Variants in GNA14 observed in about 807,000 individuals in gnomAD.
The protein encoded by GNA14 is G protein subunit alpha 14.
Under a neutral mutation model 42.0 loss-of-function variants are expected in GNA14, and 50 were observed. The ratio of observed to expected loss-of-function variants is 1.19; its 90% CI spans 0.95 to 1.51. The LOEUF (loss-of-function observed/expected upper bound fraction) is 1.51, where lower values mean the gene tolerates loss of function less well. GNA14 is among the 40% of genes most tolerant of loss of function. GNA14 has a pLI of 0.00. For missense variants in GNA14, 473 were observed against 446.2 expected, an observed-to-expected ratio of 1.06 and a Z score of -0.54; for synonymous variants, 173 against 163.1, an observed-to-expected ratio of 1.06 and a Z score of -0.46.
chr9:77,482,749 C>T (rs945825926), intron 2 of GNA14, among the ~76,000 whole-genome samples: 1 of 152,104 alleles, frequency 6.6e-6, no homozygotes, highest in Non-Finnish European at 1.5e-5. Context: ...AGGCTTTGTT[C>T]ATTTCTTTTT....
intron 1 of GNA14, among the ~76,000 whole-genome samples, chr9:77,535,486 C>G (rs746661620): frequency 3.3e-5 from 5 of 152,034 alleles, no homozygotes; most frequent in Admixed American, 2.0e-4. Flanking sequence ...AGAGGTTGCA[C>G]TGAGCTGAGC....
intron 1 of GNA14, among the ~76,000 whole-genome samples, chr9:77,596,926 C>T (rs1335658609): frequency 5.9e-5 from 9 of 152,176 alleles, no homozygotes; most frequent in South Asian, 4.1e-4. Context: ...CCTTTCCAGA[C>T]GGAACCAGTG....
chr9:77,549,903 A>G lies in GNA14; in HGVS notation c.125-20650T>C, dbSNP rs190930071. On this transcript the variant is annotated intron_variant, in intron 1 of 6. Transcript: ENST00000341700. ...TGGGACTCTATAATTTTCTCCACCC[A>G]AATGATCCCAAACCCACTTCTAGGG... Among the ~76,000 whole-genome samples, 78 of 152,198 alleles carry G rather than the reference A, an allele frequency of 5.1e-4. 1 individual carries two copies. In the Middle Eastern group the frequency reaches 0.02, roughly 40 times the overall value.
At chr9:77,576,548 G>A (rs1823130916) in intron 1 of GNA14, among the ~76,000 whole-genome samples, 1 of 152,076 alleles carries the variant, frequency 6.6e-6, no homozygotes, top group African/African-American at 2.4e-5. Context: ...CATTTGTGTA[G>A]CTTCATAAAA....
At chr9:77,431,949 A>C (rs1835562687) in intron 3 of GNA14, among the ~76,000 whole-genome samples, 1 of 152,226 alleles carries the variant, frequency 6.6e-6, no homozygotes, top group Admixed American at 6.5e-5. Flanking sequence ...GGAGAAATTC[A>C]AAACAACAGC....
chr9:77,431,406 G>C lies in GNA14; in HGVS notation c.508C>G (p.Pro170Ala). The change falls in exon 4 of 7, where the codon CCT becomes GCT. Residue 170 changes from proline (P) to alanine (A), a missense_variant. Physicochemically the swap from Pro to Ala is conservative, Grantham distance 27. Coordinates refer to ENST00000341700, the MANE Select transcript of GNA14 (RefSeq NM_004297.4). ...IDRIATPSFVPTQQDVLRVRV... is the reference protein window; with the variant it reads ...IDRIATPSFVATQQDVLRVRV... Reference sequence around the variant, plus strand: ...ACGCGAAGCACATCTTGTTGGGTAGGCACGAATGATGGTGTGGCGATGCGG... The same window carrying C: ...ACGCGAAGCACATCTTGTTGGGTAGCCACGAATGATGGTGTGGCGATGCGG... 1 of 1,613,494 alleles carries C rather than the reference G, an allele frequency of 6.2e-7. No individual in the cohort carries two copies. Among genetic ancestry groups the C allele is most frequent in the Non-Finnish European group, 8.5e-7 (1 of 1,179,520 alleles).
intron 1 of GNA14, among the ~76,000 whole-genome samples, chr9:77,552,796 A>T (rs1450373003): frequency 6.6e-6 from 1 of 152,202 alleles, no homozygotes; most frequent in Admixed American, 6.5e-5. Context: ...TCTTATAGCC[A>T]AATACAATTA....
chr9:77,435,338 C>T (rs930429661), intron 2 of GNA14, among the ~76,000 whole-genome samples: 2 of 151,858 alleles, frequency 1.3e-5, no homozygotes, highest in Non-Finnish European at 2.9e-5. Flanking sequence ...GCCTGGGTGA[C>T]AGAGCGAGAC....
chr9:77,475,142 G>T (rs1300899923), intron 2 of GNA14, among the ~76,000 whole-genome samples: 1 of 151,928 alleles, frequency 6.6e-6, no homozygotes, highest in African/African-American at 2.4e-5. Context: ...CATCTATATT[G>T]CTTCCGTCAC....
chr9:77,519,194 T>C (rs926211900), intron 2 of GNA14, among the ~76,000 whole-genome samples: 15 of 152,156 alleles, frequency 9.9e-5, no homozygotes, highest in Admixed American at 5.2e-4. Flanking sequence ...GTGGGTCACC[T>C]GAGGTCAGAA....
At chr9:77,643,272 T>C (rs1440620197) in intron 1 of GNA14, among the ~76,000 whole-genome samples, 1 of 148,974 alleles carries the variant, frequency 6.7e-6, no homozygotes, top group Non-Finnish European at 1.5e-5. Context: ...AGAGTTTCAC[T>C]CTTGTCACCC....
At chr9:77,522,555 T>C (rs1837375249) in intron 2 of GNA14, among the ~76,000 whole-genome samples, 1 of 152,188 alleles carries the variant, frequency 6.6e-6, no homozygotes. Flanking sequence ...CCCTTCCTGC[T>C]ATGGAAAGGT....
chr9:77,596,298 AT>A (rs1228307039), intron 1 of GNA14, among the ~76,000 whole-genome samples: 1 of 152,156 alleles, frequency 6.6e-6, no homozygotes, highest in Non-Finnish European at 1.5e-5. Flanking sequence ...CATTGAGCTG[AT>A]TATAACAACT....
chr9:77,493,022 A>ATATATATATATATATAT (rs1183078215), intron 2 of GNA14, among the ~76,000 whole-genome samples: 1 of 74,956 alleles, frequency 1.3e-5, no homozygotes, highest in Non-Finnish European at 2.5e-5. Flanking sequence ...AAAAAAAAAA[A>ATATATATATATATATAT]AAAAATATAT....
intron 1 of GNA14, among the ~76,000 whole-genome samples, chr9:77,531,193 C>T (rs535565886): frequency 6.6e-6 from 1 of 152,144 alleles, no homozygotes; most frequent in South Asian, 2.1e-4. Context: ...AATGTGCCTG[C>T]TTTATAGAAA....
chr9:77,464,351 ATGTGTGTGTGTGTGTGTGTGTGTG>A (rs35743834), intron 2 of GNA14, among the ~76,000 whole-genome samples: 2 of 144,706 alleles, frequency 1.4e-5, no homozygotes, highest in African/African-American at 2.6e-5. Flanking sequence ...GTGTGTGTAT[ATGTGTGTGTGTGTGTGTGTGTGTG>A]TGTGTGTGTG....
At chr9:77,439,870 T>TAG (rs1358296772) in intron 2 of GNA14, among the ~76,000 whole-genome samples, 1 of 151,936 alleles carries the variant, frequency 6.6e-6, no homozygotes, top group East Asian at 1.9e-4. Context: ...GGACAAGGGT[T>TAG]AGGGGAGATG....
chr9:77,437,540 AAGAAAGAGAAAG>A (rs1048791193), intron 2 of GNA14, among the ~76,000 whole-genome samples: 2 of 151,026 alleles, frequency 1.3e-5, no homozygotes, highest in Admixed American at 6.6e-5. Flanking sequence ...GACCCTGTAT[AAGAAAGAGAAAG>A]AGAGAGAGAA....
At chr9:77,601,709 C>T (rs1196993800) in intron 1 of GNA14, among the ~76,000 whole-genome samples, 1 of 152,186 alleles carries the variant, frequency 6.6e-6, no homozygotes, top group African/African-American at 2.4e-5. Context: ...AGAAAGAATA[C>T]ATAAGCTACC....
Sources: gnomAD v4.1 joint callset for allele counts (sites outside exome capture counted in the v4.1 genomes callset) on GRCh38, gnomAD v4.1.1 for gene constraint, MANE v1.5 for transcripts, NCBI Gene and HGNC (gene_info 2026-07-23, HGNC 2026-07-21) for gene names.